The following PDE8B variants were observed in gnomAD, a reference collection of about 807,000 sequenced individuals.
PDE8B encodes the protein phosphodiesterase 8B.
PDE8B carries 26 observed loss-of-function variants against 101.3 expected under a neutral mutation model. The ratio of observed to expected loss-of-function variants is 0.26; its 90% CI spans 0.19 to 0.36. PDE8B has a LOEUF of 0.36. Ranked by LOEUF, PDE8B falls within the 10% of genes least tolerant of loss-of-function variation. PDE8B has a pLI of 1.00. For synonymous variants in PDE8B, 424 were observed against 429.3 expected, an observed-to-expected ratio of 0.99 and a Z score of 0.15; for missense variants, 810 against 1,163.1, an observed-to-expected ratio of 0.70 and a Z score of 4.42.
intron 10 of PDE8B, among the ~76,000 whole-genome samples, chr5:77,380,400 A>G (rs1787223766): frequency 6.6e-6 from 1 of 152,192 alleles, no homozygotes; most frequent in African/African-American, 2.4e-5. Context: ...GTGCATTTAG[A>G]TATTTGGCCT....
Position 77,427,554 on chromosome 5 carries a change from T to C in PDE8B, c.*1000T>C, listed in dbSNP as rs1798371599. ...GGGAAGTTTCAAGGTTCAGATATTT[T>C]TAACCAGTCTATATTTGAAATCATG... is the stretch of plus-strand genomic sequence containing the variant. On this transcript the variant is annotated 3_prime_UTR_variant, in exon 22 of 22. Coordinates refer to ENST00000264917, the MANE Select transcript of PDE8B (RefSeq NM_003719.5). 1 of 152,224 alleles carries C rather than the reference T, an allele frequency of 6.6e-6. No homozygotes were observed. The highest frequency in any genetic ancestry group is 1.5e-5 in the Non-Finnish European group (1 of 68,036). 9.4% of individuals were successfully genotyped at this position (152,224 alleles called of 1,614,324 possible). A position where few individuals can be genotyped will look rare whatever the true frequency, so the allele number is the denominator to read the frequency against.
chr5:77,151,871 T>C, the PDE8B span: 1 of 152,254 alleles, frequency 6.6e-6, no homozygotes, highest in African/African-American at 2.4e-5. Context: ...AAAGATTTCA[T>C]GTAAAAATTC....
the PDE8B span, among the ~76,000 whole-genome samples, chr5:77,167,596 C>T: frequency 3.9e-5 from 6 of 152,100 alleles, no homozygotes; most frequent in African/African-American, 1.2e-4. Flanking sequence ...CAAGGGGGCA[C>T]GCGGCTGCTC....
the PDE8B span, among the ~76,000 whole-genome samples, chr5:77,198,442 T>G: frequency 6.6e-6 from 1 of 152,192 alleles, no homozygotes; most frequent in East Asian, 1.9e-4. Flanking sequence ...TTTCCTTCTT[T>G]CTGAAATACT....
chr5:77,393,326 A>C (rs999094512), intron 10 of PDE8B, among the ~76,000 whole-genome samples: 2 of 152,056 alleles, frequency 1.3e-5, no homozygotes, highest in African/African-American at 2.4e-5. Context: ...CCCGGGAGGC[A>C]GAAGTTGCAG....
intron 1 of PDE8B, among the ~76,000 whole-genome samples, chr5:77,282,923 G>A (rs1765303953): frequency 6.6e-6 from 1 of 151,900 alleles, no homozygotes; most frequent in Admixed American, 6.6e-5. Flanking sequence ...GCCCTGTGCT[G>A]ACCTCGGGGA....
the PDE8B span, among the ~76,000 whole-genome samples, chr5:77,108,130 T>C: frequency 6.6e-6 from 1 of 152,192 alleles, no homozygotes; most frequent in Admixed American, 6.5e-5. Context: ...AAACAGAACC[T>C]CACTTGCTTC....
At chr5:77,273,749 G>T (rs1238295549) in intron 1 of PDE8B, among the ~76,000 whole-genome samples, 1 of 151,926 alleles carries the variant, frequency 6.6e-6, no homozygotes, top group Non-Finnish European at 1.5e-5. Context: ...AATAAAGTTT[G>T]ATTTTTATTA....
chr5:77,114,938 G>A, the PDE8B span: 3 of 152,064 alleles, frequency 2.0e-5, no homozygotes, highest in Non-Finnish European at 2.9e-5. Context: ...ACTCATTAAT[G>A]TTTTTTAGTC....
the PDE8B span, among the ~76,000 whole-genome samples, chr5:77,092,010 A>G: frequency 6.6e-6 from 1 of 152,214 alleles, no homozygotes; most frequent in Non-Finnish European, 1.5e-5. Flanking sequence ...AAGAAAGTGA[A>G]AAATTATATA....
chr5:77,244,499 G>A (rs58426211), intron 1 of PDE8B, among the ~76,000 whole-genome samples: 1 of 151,742 alleles, frequency 6.6e-6, no homozygotes, highest in East Asian at 2.0e-4. Context: ...TGCCATAGAG[G>A]CAAGCTTCTT....
chr5:77,328,817 A>T (rs147484812), intron 3 of PDE8B, among the ~76,000 whole-genome samples, 181 bp from the exon 4 acceptor site: 99 of 152,344 alleles, frequency 6.5e-4, no homozygotes, highest in African/African-American at 2.2e-3. Flanking sequence ...TTTTTTAACG[A>T]AATGAAGAGA....
At chr5:77,154,730 T>TTTTCCTGGGACTGAGGAA in the PDE8B span, among the ~76,000 whole-genome samples, 1 of 152,116 alleles carries the variant, frequency 6.6e-6, no homozygotes, top group African/African-American at 2.4e-5. Flanking sequence ...ACTAACCCGG[T>TTTTCCTGGGACTGAGGAA]TTTCCTGGGA....
intron 10 of PDE8B, among the ~76,000 whole-genome samples, chr5:77,399,195 T>C (rs1791711256): frequency 6.6e-6 from 1 of 152,250 alleles, no homozygotes; most frequent in African/African-American, 2.4e-5. Context: ...GTTGTTTTGA[T>C]GTAAGGGCAG....
At chr5:77,243,850 C>T (rs1186965020) in intron 1 of PDE8B, among the ~76,000 whole-genome samples, 1 of 152,100 alleles carries the variant, frequency 6.6e-6, no homozygotes, top group African/African-American at 2.4e-5. Flanking sequence ...TTTGTTATTT[C>T]TCATGAGGAG....
In PDE8B at chr5:77,378,456, TAAAAAAAAAAAAAAA is replaced by T. The variant is rs58121927; in HGVS notation, c.1168-21778_1168-21764del. On this transcript the variant is annotated intron_variant, in intron 10 of 21. Transcript: ENST00000264917. ...CCTGGCGACAGAGCAAGACTCCATC[TAAAAAAAAAAAAAAA>T]AAAAAAAAAAAAAGGGCATGTACCA... Among the ~76,000 whole-genome samples, 219 of 69,380 alleles carry T rather than the reference TAAAAAAAAAAAAAAA, an allele frequency of 3.2e-3. 2 individuals are homozygous for T. The highest frequency in any genetic ancestry group is 0.017 in the South Asian group (20 of 1,200). 45.5% of individuals were successfully genotyped at this position (69,380 alleles called of 152,430 possible). A position where few individuals can be genotyped will look rare whatever the true frequency, so the allele number is the denominator to read the frequency against.
At chr5:77,235,813 G>GAAA (rs11422456) in intron 1 of PDE8B, among the ~76,000 whole-genome samples, 4 of 134,816 alleles carry the variant, frequency 3.0e-5, no homozygotes, top group East Asian at 5.3e-4. Context: ...AGTTACAGCA[G>GAAA]AAAAAAAAAC....
chr5:77,225,748 T>A (rs1483439871), intron 1 of PDE8B, among the ~76,000 whole-genome samples: 1 of 152,094 alleles, frequency 6.6e-6, no homozygotes, highest in Admixed American at 6.6e-5. Context: ...TTCTTCAACC[T>A]CGTCAGTCTT....
chr5:77,215,101 C>G (rs761779580), intron 1 of PDE8B, among the ~76,000 whole-genome samples: 1 of 152,080 alleles, frequency 6.6e-6, no homozygotes, highest in Non-Finnish European at 1.5e-5. Context: ...GCTGAGCCTC[C>G]GAGATTGGCT....
Sources: allele counts gnomAD v4.1 joint callset (sites outside exome capture counted in the v4.1 genomes callset), GRCh38; gene constraint gnomAD v4.1.1; transcripts MANE v1.5; gene names NCBI Gene and HGNC (gene_info 2026-07-23, HGNC 2026-07-21).